Variants in CFAP70 observed in about 807,000 individuals in gnomAD.
CFAP70 encodes the protein cilia and flagella associated protein 70.
Under a neutral mutation model 137.6 loss-of-function variants are expected in CFAP70, and 81 were observed. The ratio of observed to expected loss-of-function variants is 0.59; its 90% CI spans 0.49 to 0.71. The LOEUF (loss-of-function observed/expected upper bound fraction) is 0.71, where lower values mean the gene tolerates loss of function less well. Ranked by LOEUF, CFAP70 falls within the 30% of genes least tolerant of loss-of-function variation. The probability of loss-of-function intolerance (pLI) is 0.00; values close to 1 mark genes in which losing one functional copy is unlikely to be tolerated. For synonymous variants in CFAP70, 382 were observed against 423.6 expected (o/e 0.90, Z 1.20); for missense variants, 976 against 1,226.7 (o/e 0.80, Z 3.05).
At chr10:73,340,024 G>A (rs1055433003) in intron 6 of CFAP70, among the ~76,000 whole-genome samples, 1 of 152,224 alleles carries the variant, frequency 6.6e-6, no homozygotes, top group Non-Finnish European at 1.5e-5. Flanking sequence ...ACAGACAAGC[G>A]GAGGGTGAGC....
intron 2 of CFAP70, among the ~76,000 whole-genome samples, chr10:73,354,146 A>G (rs1336104568): frequency 1.3e-5 from 2 of 152,230 alleles, no homozygotes; most frequent in African/African-American, 4.8e-5. Flanking sequence ...ATTACCTACA[A>G]TCTTACTGTA....
At chr10:73,338,298 C>T (rs2052894526) in intron 6 of CFAP70, among the ~76,000 whole-genome samples, 2 of 151,858 alleles carry the variant, frequency 1.3e-5, no homozygotes, top group African/African-American at 4.8e-5. Context: ...TTCAGGCGCA[C>T]ACCACTATAC....
rs141818028 is a variant in CFAP70 at position 73,352,464 on chromosome 10, GCTTT to G, written c.250+1088_250+1091del. Among the ~76,000 whole-genome samples the G allele has an allele frequency of 8.3e-3, 1,263 of 152,196 alleles. 19 individuals carry two copies. The highest frequency in any genetic ancestry group is 0.027 in the African/African-American group (1,126 of 41,528). On this transcript the variant is annotated intron_variant, in intron 3 of 26. Coordinates refer to ENST00000310715, the Ensembl canonical transcript of CFAP70. ...GCTAAACAGAGCAGACTTTTATCAGGCTTTCTTTCTTTTTTCTTTTTTTTGGTCT... is the reference window on the plus strand; with the variant it reads ...GCTAAACAGAGCAGACTTTTATCAGGCTTTCTTTTTTCTTTTTTTTGGTCT...
Position 73,335,887 on chromosome 10 carries a change from T to A in CFAP70, c.583-363A>T, listed in dbSNP as rs539074537. ...CCGGTGCAGTGGCTCACACCTGTAA[T>A]CCCAACACTTTAGGAGGCCAAGGCA... On this transcript the variant is annotated intron_variant, in intron 6 of 26. Coordinates refer to ENST00000310715, the Ensembl canonical transcript of CFAP70. Among the ~76,000 whole-genome samples the A allele has an allele frequency of 3.3e-5, 5 of 151,466 alleles. No homozygotes were observed. The South Asian group carries it at 1.0e-3, about 32-fold the overall frequency.
Position 73,269,720 on chromosome 10 carries a change from A to C in CFAP70, c.2926-5T>G, listed in dbSNP as rs1284392479. On this transcript the variant is annotated splice_region_variant and splice_polypyrimidine_tract_variant and intron_variant, in intron 24 of 26. Transcript: ENST00000310715. ...AGCCTCTGTGAGCTCCTCCAGCTTG[A>C]CAGAAAAATGAGACATGTGAGTTAG... The C allele has an allele frequency of 6.2e-7, 1 of 1,602,906 alleles. No homozygotes were observed. Among genetic ancestry groups the C allele is most frequent in the Non-Finnish European group, 8.5e-7 (1 of 1,170,426 alleles).
chr10:73,332,390 C>CT (rs2052200283), intron 7 of CFAP70, among the ~76,000 whole-genome samples: 1 of 152,148 alleles, frequency 6.6e-6, no homozygotes, highest in African/African-American at 2.4e-5. Context: ...AGTGTTCTCC[C>CT]TATCAAAGGG....
At chr10:73,260,624 C>T (rs978855363) in intron 25 of CFAP70, among the ~76,000 whole-genome samples, 2 of 152,208 alleles carry the variant, frequency 1.3e-5, no homozygotes, top group East Asian at 3.8e-4. Flanking sequence ...TTCTTTCATG[C>T]CTGTTTGCAG....
intron 19 of CFAP70, among the ~76,000 whole-genome samples, chr10:73,286,601 T>G (rs578215411): frequency 6.6e-6 from 1 of 152,048 alleles, no homozygotes; most frequent in Non-Finnish European, 1.5e-5. Flanking sequence ...AAAATATAAA[T>G]AGTGCCACAG....
chr10:73,337,115 G>A (rs1361529415), intron 6 of CFAP70, among the ~76,000 whole-genome samples: 2 of 152,140 alleles, frequency 1.3e-5, no homozygotes, highest in African/African-American at 4.8e-5. Flanking sequence ...AAAAATGATG[G>A]GGAACGAATA....
At chr10:73,324,356 C>T (rs2051173988) in intron 8 of CFAP70, among the ~76,000 whole-genome samples, 1 of 152,096 alleles carries the variant, frequency 6.6e-6, no homozygotes, top group African/African-American at 2.4e-5. Context: ...CGTCAAAGAC[C>T]AAAAGTAGAT....
chr10:73,345,080 A>G (rs1260376566), exon 5 of CFAP70: 17 of 1,613,962 alleles, frequency 1.1e-5, no homozygotes, highest in Non-Finnish European at 1.4e-5. Context: ...CAAGTGATGG[A>G]ACTTGCAGAC....
At chr10:73,311,405 A>G (rs1439176415) in intron 11 of CFAP70, among the ~76,000 whole-genome samples, 1 of 152,064 alleles carries the variant, frequency 6.6e-6, no homozygotes, top group African/African-American at 2.4e-5. Context: ...CCCCATCCTA[A>G]TATTTGTCTC....
At chr10:73,308,099 G>A (rs2049553089) in intron 12 of CFAP70, among the ~76,000 whole-genome samples, 1 of 152,016 alleles carries the variant, frequency 6.6e-6, no homozygotes. Flanking sequence ...AGGTTGCGGT[G>A]AGCCAAGATC....
chr10:73,329,800 T>C (rs2051883868), intron 8 of CFAP70, among the ~76,000 whole-genome samples: 1 of 152,058 alleles, frequency 6.6e-6, no homozygotes, highest in Non-Finnish European at 1.5e-5. Context: ...TAAATTCTCA[T>C]TAATGGTGGA....
chr10:73,333,875 T>G (rs534283844), intron 7 of CFAP70, among the ~76,000 whole-genome samples: 34 of 152,284 alleles, frequency 2.2e-4, no homozygotes, highest in African/African-American at 7.5e-4. Flanking sequence ...TATTCTTAAT[T>G]GATCTGATAA....
At chr10:73,258,948 C>T (rs1444321955) in intron 25 of CFAP70, among the ~76,000 whole-genome samples, 1 of 152,190 alleles carries the variant, frequency 6.6e-6, no homozygotes, top group Admixed American at 6.5e-5. Flanking sequence ...GGACATGAAA[C>T]TTCATCAGCA....
chr10:73,286,375 C>T (rs184193454), intron 19 of CFAP70, among the ~76,000 whole-genome samples: 7 of 152,054 alleles, frequency 4.6e-5, no homozygotes, highest in Admixed American at 4.6e-4. Context: ...ACCCGGGAGG[C>T]GGAGCTTGCA....
chr10:73,360,383 TACAC>T (rs1285643570), upstream of CFAP70, among the ~76,000 whole-genome samples: 26 of 152,140 alleles, frequency 1.7e-4, no homozygotes, highest in South Asian at 4.1e-4. Flanking sequence ...CCTGCACACA[TACAC>T]ACACAGTGAG....
chr10:73,267,544 T>A (rs891059572), intron 25 of CFAP70, among the ~76,000 whole-genome samples: 11 of 151,978 alleles, frequency 7.2e-5, no homozygotes, highest in African/African-American at 2.7e-4. Flanking sequence ...TTGATGGGAG[T>A]GAGTGGCAAC....
Sources: gnomAD v4.1 joint callset for allele counts (sites outside exome capture counted in the v4.1 genomes callset) on GRCh38, gnomAD v4.1.1 for gene constraint, MANE v1.5 for transcripts, NCBI Gene and HGNC (gene_info 2026-07-23, HGNC 2026-07-21) for gene names.